The following ZBTB8OS variants were observed in gnomAD, a reference collection of about 807,000 sequenced individuals.
The protein encoded by ZBTB8OS is tRNA-splicing ligase-activating factor archease.
A neutral mutation model predicts 29.3 loss-of-function variants in ZBTB8OS; 16 were observed. The ratio of observed to expected loss-of-function variants is 0.55; its 90% CI spans 0.37 to 0.83. The LOEUF (loss-of-function observed/expected upper bound fraction) is 0.83, where lower values mean the gene tolerates loss of function less well. ZBTB8OS is among the 40% of genes least tolerant of loss of function. The pLI, the probability that ZBTB8OS is intolerant of heterozygous loss-of-function variation, is 0.00. For synonymous variants in ZBTB8OS, 70 were observed against 64.6 expected, an observed-to-expected ratio of 1.08 and a Z score of -0.40; for missense variants, 160 against 196.9, an observed-to-expected ratio of 0.81 and a Z score of 1.12.
chr1:32,650,736 C>T, upstream of ZBTB8OS: 4 of 795,290 alleles, frequency 5.0e-6, no homozygotes, highest in South Asian at 7.3e-5. Context: ...TCTGCGATTC[C>T]TTCATTACTA....
chr1:32,624,360 C>A (rs1422547954), intron 6 of ZBTB8OS, among the ~76,000 whole-genome samples: 3 of 152,138 alleles, frequency 2.0e-5, no homozygotes, highest in African/African-American at 7.2e-5. Flanking sequence ...TCAGTAAGGG[C>A]AGAGACTTCG....
chr1:32,630,983 A>G (rs1645507324), intron 5 of ZBTB8OS, among the ~76,000 whole-genome samples: 1 of 152,102 alleles, frequency 6.6e-6, no homozygotes, highest in Admixed American at 6.6e-5. Context: ...CTCCAGCCTG[A>G]GCAACAGAGC....
intron 1 of ZBTB8OS, among the ~76,000 whole-genome samples, chr1:32,645,578 CAG>C (rs941430065): frequency 2.6e-5 from 4 of 152,156 alleles, no homozygotes; most frequent in African/African-American, 4.8e-5. Context: ...CTTTCACAGA[CAG>C]AGTCTTGCTA....
chr1:32,638,675 G>A (rs1646176114), intron 1 of ZBTB8OS, among the ~76,000 whole-genome samples: 2 of 152,130 alleles, frequency 1.3e-5, no homozygotes, highest in Non-Finnish European at 2.9e-5. Context: ...CAGTTTGGGA[G>A]GCCAAGGTGG....
chr1:32,627,653 G>C, intron 5 of ZBTB8OS, 109 bp from the exon 6 acceptor site: 5 of 980,222 alleles, frequency 5.1e-6, no homozygotes, highest in South Asian at 1.4e-5. Flanking sequence ...GAGACAGGAG[G>C]GGGTCAGGGA....
At position 32,627,503 on chromosome 1, in the gene ZBTB8OS, C is replaced by T. The variant is rs766517100; in HGVS notation, c.417+5G>A. On this transcript the variant is annotated splice_donor_5th_base_variant and intron_variant, in intron 6 of 6. Transcript: ENST00000468695. ...TGTTCTTAATGGCTGGATTTTAAAA[C>T]ATACCTGAGGGTGCTTGGACAATGA... 4.3e-6 allele frequency: 7 copies of T among 1,612,970 alleles called. No individual in the cohort carries two copies. The highest frequency in any genetic ancestry group is 5.9e-6 in the Non-Finnish European group (7 of 1,179,652).
intron 6 of ZBTB8OS, among the ~76,000 whole-genome samples, chr1:32,622,691 G>A (rs1018432095): frequency 2.0e-5 from 3 of 150,082 alleles, no homozygotes; most frequent in South Asian, 2.1e-4. Flanking sequence ...TAACAAACTC[G>A]TATATGTACC....
chr1:32,632,705 T>C (rs1232067485), intron 4 of ZBTB8OS, among the ~76,000 whole-genome samples: 1 of 152,200 alleles, frequency 6.6e-6, no homozygotes, highest in East Asian at 1.9e-4. Flanking sequence ...TAGAAAAATG[T>C]AAGATCTAAA....
intron 5 of ZBTB8OS, among the ~76,000 whole-genome samples, chr1:32,630,217 T>C (rs547302444): frequency 1.3e-5 from 2 of 152,230 alleles, no homozygotes; most frequent in South Asian, 2.1e-4. Flanking sequence ...ACCCCATCTC[T>C]ATAAAAAATT....
In ZBTB8OS at chr1:32,631,885, C is replaced by T. The variant is rs1441029119; in HGVS notation, c.328-6G>A. On this transcript the variant is annotated splice_polypyrimidine_tract_variant and splice_region_variant and intron_variant, in intron 4 of 6. Coordinates refer to ENST00000468695, the MANE Select transcript of ZBTB8OS (RefSeq NM_178547.5). ...ATGCTAAGTACTTTCACTTCCTAGA[C>T]AGGAAGAAAAATTTTTTAATTAAAA... 2 of 1,507,236 alleles carry T rather than the reference C, an allele frequency of 1.3e-6. No individual in the cohort carries two copies. Among genetic ancestry groups the T allele is most frequent in the Non-Finnish European group, 1.8e-6 (2 of 1,122,168 alleles). The allele number at this position is 1,507,236 out of a possible 1,614,324, so 93.4% of individuals were successfully genotyped here.
intron 1 of ZBTB8OS, among the ~76,000 whole-genome samples, chr1:32,635,222 T>C (rs1645863730): frequency 6.6e-6 from 1 of 151,954 alleles, no homozygotes; most frequent in African/African-American, 2.4e-5. Flanking sequence ...AACGGTACTA[T>C]AGCACATTCC....
intron 1 of ZBTB8OS, among the ~76,000 whole-genome samples, chr1:32,637,418 ATG>A (rs1389658439): frequency 1.0e-3 from 151 of 149,990 alleles, no homozygotes; most frequent in Non-Finnish European, 1.7e-3. Flanking sequence ...AAAAAAAAAA[ATG>A]AGCTGGGCGT....
chr1:32,641,912 G>C (rs550056141), intron 1 of ZBTB8OS, among the ~76,000 whole-genome samples: 1 of 152,130 alleles, frequency 6.6e-6, no homozygotes, highest in African/African-American at 2.4e-5. Flanking sequence ...CTGGGTGACA[G>C]AGCGAGACTG....
At position 32,632,507 on chromosome 1, in the gene ZBTB8OS, C is replaced by T. The variant is rs149260446; in HGVS notation, c.328-628G>A. ...TTGGCTCACTGCAACCTTCACCTCCCGAGCTCAAGCAATCCTCCCACCTCA... is the reference window on the plus strand; with the variant it reads ...TTGGCTCACTGCAACCTTCACCTCCTGAGCTCAAGCAATCCTCCCACCTCA... On this transcript the variant is annotated intron_variant, in intron 4 of 6. Transcript: ENST00000468695. 3.9e-3 allele frequency among the ~76,000 whole-genome samples: 590 copies of T among 152,180 alleles called. 1 individual carries two copies. The highest frequency in any genetic ancestry group is 0.013 in the African/African-American group (560 of 41,540).
At chr1:32,645,990 C>G (rs1320126591) in intron 1 of ZBTB8OS, among the ~76,000 whole-genome samples, 1 of 152,122 alleles carries the variant, frequency 6.6e-6, no homozygotes, top group South Asian at 2.1e-4. Flanking sequence ...ACTTATGACA[C>G]GGGCACTCTT....
intron 4 of ZBTB8OS, among the ~76,000 whole-genome samples, chr1:32,632,687 A>T (rs1271069992): frequency 1.3e-5 from 2 of 152,154 alleles, no homozygotes; most frequent in African/African-American, 4.8e-5. Flanking sequence ...TATTCAAGGG[A>T]GGTATTCTAG....
intron 1 of ZBTB8OS, among the ~76,000 whole-genome samples, chr1:32,650,064 C>G (rs1647205263): frequency 6.6e-6 from 1 of 152,170 alleles, no homozygotes; most frequent in South Asian, 2.1e-4. Context: ...CCCTAATTAG[C>G]TTTCCGAGTC....
At chr1:32,631,948 TTC>T in intron 4 of ZBTB8OS, 69 bp from the exon 5 acceptor site, 8 of 912,388 alleles carry the variant, frequency 8.8e-6, no homozygotes, top group Non-Finnish European at 1.3e-5. Flanking sequence ...AATCTTTTTG[TTC>T]TGTTTTGTTT....
chr1:32,650,670 C>T (rs1485274680), upstream of ZBTB8OS: 1 of 1,488,250 alleles, frequency 6.7e-7, no homozygotes, highest in Non-Finnish European at 9.1e-7. Context: ...TGTTGACCTA[C>T]TTTAGTCCCT....
Sources: gnomAD v4.1 joint callset for allele counts (sites outside exome capture counted in the v4.1 genomes callset) on GRCh38, gnomAD v4.1.1 for gene constraint, MANE v1.5 for transcripts, NCBI Gene and HGNC (gene_info 2026-07-23, HGNC 2026-07-21) for gene names.